The following EFR3A variants were observed in gnomAD, a reference collection of about 807,000 sequenced individuals.
The protein encoded by EFR3A is protein EFR3 homolog A.
Under a neutral mutation model 104.4 loss-of-function variants are expected in EFR3A, and 76 were observed. The observed-to-expected ratio is 0.73, with a 90% CI of 0.60 to 0.88. The LOEUF (loss-of-function observed/expected upper bound fraction) is 0.88. EFR3A is among the 40% of genes least tolerant of loss of function. The pLI, the probability that EFR3A is intolerant of heterozygous loss-of-function variation, is 0.00. For missense variants in EFR3A, 985 were observed against 1,012.5 expected, an observed-to-expected ratio of 0.97 and a Z score of 0.37; for synonymous variants, 330 against 330.0, an observed-to-expected ratio of 1.00 and a Z score of 0.00.
rs543911860 is a variant in EFR3A at position 131,930,101 on chromosome 8, T to C, written c.11-10398T>C. ...ACACTTCCAGACCCAGGTATGCTTA[T>C]AAGCAGGAAGAATGAATTGCAGACT... is the stretch of plus-strand genomic sequence containing the variant. On this transcript the variant is annotated intron_variant, in intron 1 of 22. Coordinates refer to ENST00000254624, the MANE Select transcript of EFR3A (RefSeq NM_015137.6). Among the ~76,000 whole-genome samples, 56 of 152,266 alleles carry C rather than the reference T, an allele frequency of 3.7e-4. 1 individual carries two copies. Among genetic ancestry groups the C allele is most frequent in the South Asian group, 2.1e-3 (10 of 4,820 alleles).
chr8:131,986,078 G>A (rs1820859977), intron 16 of EFR3A, 116 bp from the exon 17 acceptor site: 2 of 472,544 alleles, frequency 4.2e-6, no homozygotes, highest in Non-Finnish European at 7.5e-6. Context: ...ACAAAGTGAT[G>A]TTATTTCTTA....
chr8:131,980,757 T>G (rs1378155384), intron 14 of EFR3A, among the ~76,000 whole-genome samples: 1 of 151,994 alleles, frequency 6.6e-6, no homozygotes, highest in Admixed American at 6.6e-5. Flanking sequence ...TCTCAAAACT[T>G]AACTCCTTCT....
intron 8 of EFR3A, among the ~76,000 whole-genome samples, chr8:131,964,225 A>T (rs549921241): frequency 3.5e-4 from 53 of 151,820 alleles, no homozygotes; most frequent in South Asian, 2.3e-3. Context: ...TGGCCAGGGC[A>T]ATCAGGCAGG....
At chr8:132,001,173 A>T (rs541780585) in intron 19 of EFR3A, among the ~76,000 whole-genome samples, 1 of 152,208 alleles carries the variant, frequency 6.6e-6, no homozygotes, top group African/African-American at 2.4e-5. Context: ...TGAAAGACAT[A>T]AGTTAAAAGG....
At chr8:131,996,315 A>G (rs1821482287) in intron 18 of EFR3A, 91 bp from the exon 19 acceptor site, 1 of 765,688 alleles carries the variant, frequency 1.3e-6, no homozygotes, top group African/African-American at 1.8e-5. Context: ...ATTTTTTGAC[A>G]GTTTTTGAAA....
Position 131,930,406 on chromosome 8 carries a change from A to G in EFR3A, c.11-10093A>G, listed in dbSNP as rs117718891. Reference sequence around the variant, plus strand: ...CTGTTCTCTAGCCATTGCATGTAAAATAATTCCCAAGGACTGATAATTTTA... The same window carrying G: ...CTGTTCTCTAGCCATTGCATGTAAAGTAATTCCCAAGGACTGATAATTTTA... On this transcript the variant is annotated intron_variant, in intron 1 of 22. Coordinates refer to ENST00000254624, the MANE Select transcript of EFR3A (RefSeq NM_015137.6). Among the ~76,000 whole-genome samples the G allele has an allele frequency of 9.8e-4, 144 of 146,452 alleles. 3 individuals carry two copies. The East Asian group carries it at 0.029, about 30-fold the overall frequency.
intron 8 of EFR3A, among the ~76,000 whole-genome samples, chr8:131,962,552 T>G (rs1819425968): frequency 6.6e-6 from 1 of 152,232 alleles, no homozygotes; most frequent in East Asian, 1.9e-4. Flanking sequence ...GCACCCAGAT[T>G]CATAAAGCAA....
At chr8:131,979,642 C>G (rs1421726956) in intron 14 of EFR3A, among the ~76,000 whole-genome samples, 1 of 152,078 alleles carries the variant, frequency 6.6e-6, no homozygotes, top group East Asian at 1.9e-4. Context: ...TGTAGTAGTT[C>G]TAAATTTCTT....
At chr8:131,941,057 A>G (rs1034684359) in intron 2 of EFR3A, among the ~76,000 whole-genome samples, 10 of 152,082 alleles carry the variant, frequency 6.6e-5, no homozygotes, top group Non-Finnish European at 4.4e-5. Context: ...GTGATACCCA[A>G]TTTGGGTTGA....
chr8:132,006,516 A>G (rs778614423), intron 22 of EFR3A, among the ~76,000 whole-genome samples: 30 of 152,246 alleles, frequency 2.0e-4, no homozygotes, highest in African/African-American at 5.8e-4. Flanking sequence ...AAATAACCCT[A>G]TAACTGTTGA....
chr8:131,917,273 G>A (rs949972896), intron 1 of EFR3A, among the ~76,000 whole-genome samples: 9 of 152,228 alleles, frequency 5.9e-5, no homozygotes, highest in African/African-American at 2.2e-4. Flanking sequence ...GGAGTTTTCA[G>A]TAAGATTTCT....
intron 2 of EFR3A, among the ~76,000 whole-genome samples, chr8:131,941,913 C>A (rs542714022): frequency 6.6e-6 from 1 of 152,000 alleles, no homozygotes; most frequent in Non-Finnish European, 1.5e-5. Context: ...GTTTATATAA[C>A]CTAATTGTAG....
chr8:131,989,814 C>G (rs1010056085), intron 18 of EFR3A, among the ~76,000 whole-genome samples: 3 of 152,128 alleles, frequency 2.0e-5, no homozygotes, highest in African/African-American at 4.8e-5. Context: ...ATAACTAGAT[C>G]TAGAGAAAGA....
intron 20 of EFR3A, 119 bp downstream of exon 20, chr8:132,001,926 G>C (rs900548729): frequency 1.2e-6 from 1 of 827,576 alleles, no homozygotes; most frequent in East Asian, 2.5e-5. Context: ...AAACTTGTTG[G>C]CTTCTATAGA....
chr8:132,012,507 G>C lies in EFR3A; in HGVS notation c.*1612G>C, dbSNP rs761141476. 3.9e-5 allele frequency: 6 copies of C among 152,560 alleles called. No individual in the cohort carries two copies. Among genetic ancestry groups the C allele is most frequent in the Non-Finnish European group, 5.9e-5 (4 of 68,018 alleles). The allele number at this position is 152,560 out of a possible 1,614,324, so 9.5% of individuals were successfully genotyped here. A position where few individuals can be genotyped will look rare whatever the true frequency, so the allele number is the denominator to read the frequency against. On this transcript the variant is annotated 3_prime_UTR_variant, in exon 23 of 23. Transcript: ENST00000254624. ...GTCGTTACCGCTGGAGGACTAAAGG[G>C]CCCTGTGGCAGCTGTCACTGGAACT...
At chr8:131,988,315 G>A (rs1034925773) in intron 18 of EFR3A, among the ~76,000 whole-genome samples, 1 of 152,012 alleles carries the variant, frequency 6.6e-6, no homozygotes, top group Non-Finnish European at 1.5e-5. Flanking sequence ...TTAATTTGGT[G>A]ACTATATAAA....
In EFR3A at chr8:131,968,315, G is replaced by A; in HGVS notation, c.876G>A (p.Val292=). The A allele has an allele frequency of 6.2e-7, 1 of 1,613,192 alleles. No individual in the cohort carries two copies. ...YSIQAQYSHH[V]IQEILGHLDA... is the part of the protein sequence containing the mutation. Reference sequence around the variant, plus strand: ...TTCAGGCTCAGTATTCTCACCATGTGATCCAGGAGATTCTAGGACACCTTG... The same window carrying A: ...TTCAGGCTCAGTATTCTCACCATGTAATCCAGGAGATTCTAGGACACCTTG... The change falls in exon 9 of 23, where the codon GTG becomes GTA. Residue 292 remains valine (V), a synonymous_variant. Transcript: ENST00000254624.
At chr8:131,943,508 G>A (rs1187567531) in intron 2 of EFR3A, among the ~76,000 whole-genome samples, 1 of 152,042 alleles carries the variant, frequency 6.6e-6, no homozygotes, top group African/African-American at 2.4e-5. Context: ...ACTGTGTGTG[G>A]AAGACAGCCA....
chr8:132,007,079 C>T (rs1211854251), intron 22 of EFR3A, among the ~76,000 whole-genome samples: 2 of 151,862 alleles, frequency 1.3e-5, no homozygotes, highest in East Asian at 3.9e-4. Context: ...ATGCCTTTCA[C>T]CTAAAACTGG....
Sources: gnomAD v4.1 joint callset for allele counts (sites outside exome capture counted in the v4.1 genomes callset) on GRCh38, gnomAD v4.1.1 for gene constraint, MANE v1.5 for transcripts, NCBI Gene and HGNC (gene_info 2026-07-23, HGNC 2026-07-21) for gene names.